Variants in CCDC192 observed in about 807,000 individuals in gnomAD.
The protein encoded by CCDC192 is coiled-coil domain-containing protein 192.
rs188339897 is a variant in CCDC192 at position 127,742,072 on chromosome 5, G to A, written c.115-12196G>A. Among the ~76,000 whole-genome samples the A allele has an allele frequency of 3.5e-3, 536 of 152,224 alleles. 4 individuals are homozygous for A. The highest frequency in any genetic ancestry group is 6.0e-3 in the Non-Finnish European group (405 of 68,004). On this transcript the variant is annotated intron_variant, in intron 2 of 6. Transcript: ENST00000514853. Reference sequence around the variant, plus strand: ...GACTCCTAGTGAGCATATTAACTACGTCTGCCTTGTTACTCCTTATTTCCC... The same window carrying A: ...GACTCCTAGTGAGCATATTAACTACATCTGCCTTGTTACTCCTTATTTCCC...
intron 6 of CCDC192, among the ~76,000 whole-genome samples, chr5:127,914,123 T>C (rs976681451): frequency 2.0e-5 from 3 of 152,202 alleles, no homozygotes; most frequent in Non-Finnish European, 2.9e-5. Flanking sequence ...GAGGAAAGAC[T>C]GATCTAGTGA....
chr5:127,843,160 G>A lies in CCDC192; in HGVS notation c.412-32378G>A, dbSNP rs185297538. On this transcript the variant is annotated intron_variant, in intron 5 of 6. Transcript: ENST00000514853. The stretch of plus-strand genomic sequence containing the variant: ...CACCATTCTTCTGCCTCAGCCTCCC[G>A]AGTAGCTGGGATTACAGGTGCCCGC... Among the ~76,000 whole-genome samples, 225 of 142,828 alleles carry A rather than the reference G, an allele frequency of 1.6e-3. 1 individual carries two copies. Among genetic ancestry groups the A allele is most frequent in the African/African-American group, 4.8e-3 (186 of 38,424 alleles). 93.7% of individuals were successfully genotyped at this position (142,828 alleles called of 152,430 possible). A position where few individuals can be genotyped will look rare whatever the true frequency, so the allele number is the denominator to read the frequency against.
At chr5:127,807,980 G>A (rs2163737) in intron 5 of CCDC192, among the ~76,000 whole-genome samples, 7,499 of 152,168 alleles carry the variant, frequency 0.049, 625 homozygotes, top group African/African-American at 0.17. Context: ...GATTTTATAA[G>A]AAACTGCCCT....
chr5:127,928,821 A>G (rs1753936788), intron 6 of CCDC192, among the ~76,000 whole-genome samples: 1 of 151,616 alleles, frequency 6.6e-6, no homozygotes, highest in Non-Finnish European at 1.5e-5. Flanking sequence ...GCTGGAGTGC[A>G]GTGGCATGAT....
At chr5:127,727,805 A>G (rs1014492237) in intron 2 of CCDC192, among the ~76,000 whole-genome samples, 3 of 152,178 alleles carry the variant, frequency 2.0e-5, no homozygotes, top group Non-Finnish European at 4.4e-5. Context: ...ATAAAACACT[A>G]TAGGGGCTGT....
chr5:127,780,117 A>AT (rs1756113309), intron 3 of CCDC192, among the ~76,000 whole-genome samples: 1 of 151,998 alleles, frequency 6.6e-6, no homozygotes, highest in Non-Finnish European at 1.5e-5. Context: ...ATTTATCTAT[A>AT]TATACATACA....
chr5:127,920,890 A>G (rs1432271449), intron 6 of CCDC192, among the ~76,000 whole-genome samples: 1 of 151,476 alleles, frequency 6.6e-6, no homozygotes, highest in Non-Finnish European at 1.5e-5. Context: ...GTGAAGCCCT[A>G]TTTCTCCAAA....
chr5:127,822,634 G>A (rs929020507), intron 5 of CCDC192, among the ~76,000 whole-genome samples: 1 of 152,126 alleles, frequency 6.6e-6, no homozygotes, highest in African/African-American at 2.4e-5. Flanking sequence ...GTGGATGTCA[G>A]AGCAGTGATG....
intron 5 of CCDC192, among the ~76,000 whole-genome samples, chr5:127,852,316 A>G (rs1750834898): frequency 6.6e-6 from 1 of 152,162 alleles, no homozygotes; most frequent in Admixed American, 6.5e-5. Context: ...ATGTTTGATT[A>G]TTACCTTGTT....
At chr5:127,930,725 T>G (rs1754004113) in intron 6 of CCDC192, among the ~76,000 whole-genome samples, 1 of 152,188 alleles carries the variant, frequency 6.6e-6, no homozygotes, top group African/African-American at 2.4e-5. Flanking sequence ...AAGGAACTGA[T>G]GAGCTAAGTA....
chr5:127,751,790 A>G (rs1294296570), intron 2 of CCDC192, among the ~76,000 whole-genome samples: 1 of 151,962 alleles, frequency 6.6e-6, no homozygotes, highest in Non-Finnish European at 1.5e-5. Flanking sequence ...ATAGTCCCAT[A>G]TTTCTTGGAG....
rs1226763544 is a variant in CCDC192 at position 127,741,872 on chromosome 5, C to G, written c.115-12396C>G. 5.3e-5 allele frequency among the ~76,000 whole-genome samples: 8 copies of G among 152,320 alleles called. No homozygotes were observed. The East Asian group carries it at 9.6e-4, about 18-fold the overall frequency. ...GATTAGAACTGCCTCTTACCACCTT[C>G]TAACATCTACCAGAATCTTCATCAA... On this transcript the variant is annotated intron_variant, in intron 2 of 6. Transcript: ENST00000514853.
chr5:127,753,480 G>A (rs1019769263), intron 2 of CCDC192, among the ~76,000 whole-genome samples: 1 of 152,004 alleles, frequency 6.6e-6, no homozygotes, highest in Non-Finnish European at 1.5e-5. Context: ...GGCAGATCAC[G>A]AGGTCAGGAT....
At chr5:127,906,908 G>T (rs1331197009) in intron 6 of CCDC192, among the ~76,000 whole-genome samples, 1 of 152,138 alleles carries the variant, frequency 6.6e-6, no homozygotes, top group African/African-American at 2.4e-5. Flanking sequence ...TGAGGAGCTG[G>T]CACATCATTT....
chr5:127,917,720 G>A (rs2681509), intron 6 of CCDC192, among the ~76,000 whole-genome samples: 18,455 of 151,920 alleles, frequency 0.12, 2,645 homozygotes, highest in African/African-American at 0.32. Context: ...CAATTACAAC[G>A]GTAACATCAA....
chr5:127,719,574 TATATATAC>T (rs1751885275), intron 2 of CCDC192, among the ~76,000 whole-genome samples: 2 of 114,574 alleles, frequency 1.7e-5, no homozygotes, highest in African/African-American at 3.4e-5. Context: ...CATACATATA[TATATATAC>T]CAAGCAGTGG....
At chr5:127,831,160 T>C (rs1279361998) in intron 5 of CCDC192, among the ~76,000 whole-genome samples, 1 of 152,204 alleles carries the variant, frequency 6.6e-6, no homozygotes, top group Non-Finnish European at 1.5e-5. Flanking sequence ...AAAACAAATT[T>C]TTCTCCTTAA....
intron 2 of CCDC192, among the ~76,000 whole-genome samples, chr5:127,750,628 G>T (rs1216378976): frequency 1.4e-5 from 2 of 146,250 alleles, no homozygotes; most frequent in East Asian, 4.1e-4. Flanking sequence ...TGTCTATTAG[G>T]TCCGCTTGGT....
At chr5:127,930,652 T>C (rs901611634) in intron 6 of CCDC192, among the ~76,000 whole-genome samples, 3 of 152,184 alleles carry the variant, frequency 2.0e-5, no homozygotes, top group Admixed American at 2.0e-4. Flanking sequence ...AAGAACCCCT[T>C]CTGTAAAATA....
Sources: gnomAD v4.1 joint callset for allele counts (sites outside exome capture counted in the v4.1 genomes callset) on GRCh38, gnomAD v4.1.1 for gene constraint, MANE v1.5 for transcripts, NCBI Gene and HGNC (gene_info 2026-07-23, HGNC 2026-07-21) for gene names.